Variants in TENM4 observed in about 807,000 individuals in gnomAD.
TENM4 encodes teneurin-4.
A neutral mutation model predicts 243.3 loss-of-function variants in TENM4; 82 were observed. The ratio of observed to expected loss-of-function variants is 0.34; its 90% CI spans 0.28 to 0.40. TENM4 has a LOEUF of 0.40. Ranked by LOEUF, TENM4 falls within the 10% of genes least tolerant of loss-of-function variation. The pLI is 1.00. For synonymous variants in TENM4, 1,412 were observed against 1,456.3 expected, an observed-to-expected ratio of 0.97 and a Z score of 0.69; for missense variants, 3,138 against 3,673.3, an observed-to-expected ratio of 0.85 and a Z score of 3.77.
chr11:78,818,772 C>T (rs903057433), intron 12 of TENM4, among the ~76,000 whole-genome samples: 5 of 152,128 alleles, frequency 3.3e-5, no homozygotes, highest in South Asian at 2.1e-4. Flanking sequence ...CCCACAGTCT[C>T]TCCTGCTTTG....
At chr11:78,807,352 T>C (rs1438182596) in intron 14 of TENM4, among the ~76,000 whole-genome samples, 1 of 152,176 alleles carries the variant, frequency 6.6e-6, no homozygotes, top group Non-Finnish European at 1.5e-5. Context: ...ACATCCAGAA[T>C]CTGAAGACAG....
intron 26 of TENM4, among the ~76,000 whole-genome samples, chr11:78,711,668 T>C (rs1859399562): frequency 6.6e-6 from 1 of 152,174 alleles, no homozygotes; most frequent in African/African-American, 2.4e-5. Flanking sequence ...GCTGAGACAC[T>C]GTAAATCACT....
At chr11:79,165,774 C>T (rs1351869481) in intron 3 of TENM4, among the ~76,000 whole-genome samples, 1 of 152,104 alleles carries the variant, frequency 6.6e-6, no homozygotes, top group Non-Finnish European at 1.5e-5. Flanking sequence ...TGTTTCAGGT[C>T]TTAGGCTGAA....
chr11:78,670,116 C>A lies in TENM4; in HGVS notation c.6229G>T (p.Val2077Phe). Reference protein sequence around the residue: ...QIFRFTEEGMVNARFDYNYDN... With the variant: ...QIFRFTEEGMFNARFDYNYDN... The stretch of plus-strand genomic sequence containing the variant: ...TAGTTGTAGTCAAAACGGGCGTTGA[C>A]CATGCCTTCCTCAGTGAAGCGGAAG... The change falls in exon 32 of 34, where the codon GTC becomes TTC. Residue 2077 changes from valine (V) to phenylalanine (F), a missense_variant. Coordinates refer to ENST00000278550, the MANE Select transcript of TENM4 (RefSeq NM_001098816.3). The A allele has an allele frequency of 6.2e-7, 1 of 1,613,924 alleles. No individual in the cohort carries two copies. The highest frequency in any genetic ancestry group is 2.2e-5 in the East Asian group (1 of 44,878).
At chr11:79,396,476 T>C (rs1462516113) in intron 1 of TENM4, among the ~76,000 whole-genome samples, 1 of 152,170 alleles carries the variant, frequency 6.6e-6, no homozygotes, top group Non-Finnish European at 1.5e-5. Context: ...ACAGGACCAT[T>C]CTTAATAGAA....
At chr11:79,118,089 A>G (rs1861658169) in intron 4 of TENM4, among the ~76,000 whole-genome samples, 1 of 152,168 alleles carries the variant, frequency 6.6e-6, no homozygotes, top group South Asian at 2.1e-4. Flanking sequence ...TAGCAGCTAC[A>G]TCATTTTGCT....
intron 27 of TENM4, among the ~76,000 whole-genome samples, chr11:78,704,558 G>A (rs1859197880): frequency 6.6e-6 from 1 of 152,092 alleles, no homozygotes; most frequent in African/African-American, 2.4e-5. Flanking sequence ...ATGACATGGA[G>A]AAATGTTTGC....
chr11:79,366,378 C>T (rs1331475464), intron 1 of TENM4, among the ~76,000 whole-genome samples: 5 of 152,192 alleles, frequency 3.3e-5, no homozygotes, highest in Non-Finnish European at 5.9e-5. Context: ...GGGAAATGTG[C>T]GTCATAGGTG....
Position 78,654,639 on chromosome 11 carries a change from T to G in TENM4, c.*3419A>C, listed in dbSNP as rs1050588155. ...CCTCAGTCAGTTTCTTAGGGATCGTTTCCAATCCTCTCTCCCTAAGTAGAA... is the reference window on the plus strand; with the variant it reads ...CCTCAGTCAGTTTCTTAGGGATCGTGTCCAATCCTCTCTCCCTAAGTAGAA... On this transcript the variant is annotated 3_prime_UTR_variant, in exon 34 of 34. Transcript: ENST00000278550. 19 of 152,162 alleles carry G rather than the reference T, an allele frequency of 1.2e-4. No homozygotes were observed. The highest frequency in any genetic ancestry group is 4.6e-4 in the African/African-American group (19 of 41,420). 9.4% of individuals were successfully genotyped at this position (152,162 alleles called of 1,614,324 possible). A position where few individuals can be genotyped will look rare whatever the true frequency, so the allele number is the denominator to read the frequency against.
intron 1 of TENM4, among the ~76,000 whole-genome samples, chr11:79,420,156 G>A (rs1362694305): frequency 1.3e-5 from 2 of 152,026 alleles, no homozygotes. Flanking sequence ...CTATGGTAAA[G>A]GTTTTCTCCC....
chr11:78,941,802 C>A (rs936723408), intron 6 of TENM4, among the ~76,000 whole-genome samples: 3 of 152,246 alleles, frequency 2.0e-5, no homozygotes, highest in Non-Finnish European at 4.4e-5. Context: ...TGACACAACA[C>A]AGGCTGCATT....
At chr11:79,299,684 C>A (rs958539020) in intron 1 of TENM4, among the ~76,000 whole-genome samples, 1 of 152,172 alleles carries the variant, frequency 6.6e-6, no homozygotes, top group African/African-American at 2.4e-5. Context: ...AGGCTGATAA[C>A]CTAATACCCA....
At chr11:78,801,298 A>G (rs1302973258) in intron 15 of TENM4, among the ~76,000 whole-genome samples, 3 of 152,122 alleles carry the variant, frequency 2.0e-5, no homozygotes, top group Non-Finnish European at 4.4e-5. Flanking sequence ...CACCACCATG[A>G]TCAGTATCAT....
chr11:78,918,789 T>A (rs1856379879), intron 6 of TENM4, among the ~76,000 whole-genome samples: 2 of 152,132 alleles, frequency 1.3e-5, no homozygotes, highest in South Asian at 4.1e-4. Context: ...AATAAGGAAG[T>A]GCGAGAAATA....
intron 1 of TENM4, among the ~76,000 whole-genome samples, chr11:79,304,835 C>T (rs529010680): frequency 6.6e-6 from 1 of 152,318 alleles, no homozygotes; most frequent in East Asian, 1.9e-4. Context: ...GCATCAACTT[C>T]CTTTCAGAGT....
chr11:78,675,665 T>G (rs1024737819), intron 30 of TENM4, among the ~76,000 whole-genome samples: 1 of 152,156 alleles, frequency 6.6e-6, no homozygotes, highest in Admixed American at 6.5e-5. Context: ...GAATGTAGCT[T>G]AGGTTCTAAG....
intron 1 of TENM4, among the ~76,000 whole-genome samples, chr11:79,387,961 T>C (rs1263686291): frequency 1.3e-5 from 2 of 152,244 alleles, no homozygotes; most frequent in Non-Finnish European, 2.9e-5. Context: ...GCCATGATCA[T>C]GCCTGGGTGA....
chr11:79,405,898 C>T (rs1858561024), intron 1 of TENM4, among the ~76,000 whole-genome samples: 1 of 143,680 alleles, frequency 7.0e-6, no homozygotes, highest in South Asian at 2.4e-4. Flanking sequence ...GTGCTCTTAA[C>T]TGCATGTCCT....
Position 78,803,144 on chromosome 11 carries a change from C to T in TENM4, c.2179+2148G>A, listed in dbSNP as rs572819819. Reference sequence around the variant, plus strand: ...CATCCGGGTTCAAGAGATTCTCCGCCTCAGCCTCCTGAGTAGCTGGGATTA... The same window carrying T: ...CATCCGGGTTCAAGAGATTCTCCGCTTCAGCCTCCTGAGTAGCTGGGATTA... On this transcript the variant is annotated intron_variant, in intron 15 of 33. Coordinates refer to ENST00000278550, the MANE Select transcript of TENM4 (RefSeq NM_001098816.3). Among the ~76,000 whole-genome samples the T allele has an allele frequency of 6.8e-4, 104 of 152,218 alleles. 1 individual carries two copies. The highest frequency in any genetic ancestry group is 5.0e-4 in the Non-Finnish European group (34 of 68,018).
Sources: gnomAD v4.1 joint callset for allele counts (sites outside exome capture counted in the v4.1 genomes callset) on GRCh38, gnomAD v4.1.1 for gene constraint, MANE v1.5 for transcripts, NCBI Gene and HGNC (gene_info 2026-07-23, HGNC 2026-07-21) for gene names.